THSD7B: variants seen among roughly 807,000 people sequenced by gnomAD.
The protein encoded by THSD7B is thrombospondin type-1 domain-containing protein 7B.
A neutral mutation model predicts 213.6 loss-of-function variants in THSD7B; 138 were observed. The observed-to-expected ratio is 0.65, with a 90% CI of 0.56 to 0.74. The LOEUF is 0.74. THSD7B is among the 30% of genes least tolerant of loss of function. The pLI is 0.00. For missense variants in THSD7B, 1,931 were observed against 1,991.5 expected, an observed-to-expected ratio of 0.97 and a Z score of 0.58; for synonymous variants, 742 against 687.0, an observed-to-expected ratio of 1.08 and a Z score of -1.25.
At chr2:136,938,581 C>A (rs1277845804) in intron 2 of THSD7B, among the ~76,000 whole-genome samples, 4 of 152,026 alleles carry the variant, frequency 2.6e-5, no homozygotes, top group South Asian at 4.2e-4. Context: ...CTGAAAAAAA[C>A]CAAAAACATT....
intron 21 of THSD7B, 132 bp from the exon 22 acceptor site, chr2:137,655,367 TGA>T: frequency 2.2e-6 from 2 of 927,272 alleles, no homozygotes; most frequent in African/African-American, 1.7e-5. Context: ...TGTCAACAAT[TGA>T]GAGATAGCTC....
At chr2:137,110,616 G>T (rs1688331271) in intron 4 of THSD7B, among the ~76,000 whole-genome samples, 1 of 152,134 alleles carries the variant, frequency 6.6e-6, no homozygotes. Context: ...AGCAATGTTG[G>T]GAATTTGATT....
intron 4 of THSD7B, among the ~76,000 whole-genome samples, chr2:137,101,322 G>A (rs1338076553): frequency 6.6e-6 from 1 of 152,124 alleles, no homozygotes; most frequent in African/African-American, 2.4e-5. Context: ...GATTACAGGC[G>A]TGAGCCACCA....
At chr2:137,007,393 C>A (rs542430991) in intron 2 of THSD7B, among the ~76,000 whole-genome samples, 1 of 152,238 alleles carries the variant, frequency 6.6e-6, no homozygotes, top group South Asian at 2.1e-4. Flanking sequence ...AAGTTTCCTG[C>A]AGATTTGAAT....
chr2:136,829,690 AT>A (rs1682717301), intron 1 of THSD7B, among the ~76,000 whole-genome samples: 1 of 152,196 alleles, frequency 6.6e-6, no homozygotes, highest in African/African-American at 2.4e-5. Context: ...GGGAATCAAA[AT>A]TAATAGGGAC....
intron 2 of THSD7B, among the ~76,000 whole-genome samples, chr2:137,043,921 C>G (rs1425486856): frequency 4.6e-5 from 7 of 152,164 alleles, no homozygotes; most frequent in Admixed American, 4.6e-4. Context: ...ATCCTTTAAC[C>G]CCCACACTGA....
chr2:136,794,087 A>G (rs866068877), intron 1 of THSD7B, among the ~76,000 whole-genome samples: 1 of 148,984 alleles, frequency 6.7e-6, no homozygotes, highest in East Asian at 2.0e-4. Flanking sequence ...TTAATTCCTG[A>G]TATGTGTGCT....
In THSD7B at chr2:137,572,425, G is replaced by A; in HGVS notation, c.3292G>A (p.Gly1098Ser). The change falls in exon 17 of 28, where the codon GGT (glycine) becomes AGT (serine). Residue 1098 changes from glycine to serine, a missense_variant. Physicochemically the swap from Gly to Ser is moderately conservative, Grantham distance 56. Transcript: ENST00000409968. ...RKIRCVNTAD[G>S]EGGAVDSNLC... ...TTACAGATGTGTGAATACTGCGGAT[G>A]GTGAAGGTGGAGCAGTGGATAGCAA... 1 of 1,613,890 alleles carries A rather than the reference G, an allele frequency of 6.2e-7. No individual in the cohort carries two copies. Among genetic ancestry groups the A allele is most frequent in the Non-Finnish European group, 8.5e-7 (1 of 1,179,816 alleles).
At chr2:137,221,564 T>C (rs902373776) in intron 7 of THSD7B, among the ~76,000 whole-genome samples, 78 of 152,272 alleles carry the variant, frequency 5.1e-4, no homozygotes, top group African/African-American at 1.8e-3. Context: ...CTTAATGAAG[T>C]TTATGTTTTT....
intron 2 of THSD7B, among the ~76,000 whole-genome samples, chr2:137,031,409 C>T (rs1686664441): frequency 6.6e-6 from 1 of 152,102 alleles, no homozygotes. Context: ...ATATCATTGT[C>T]TTCTGAGAGT....
chr2:136,810,003 T>C (rs1682349476), intron 1 of THSD7B, among the ~76,000 whole-genome samples: 1 of 152,198 alleles, frequency 6.6e-6, no homozygotes, highest in African/African-American at 2.4e-5. Flanking sequence ...TTGCAGTTCC[T>C]ACTCTCAAAA....
intron 15 of THSD7B, among the ~76,000 whole-genome samples, chr2:137,519,731 C>CA (rs111457927): frequency 2.0e-5 from 3 of 152,150 alleles, no homozygotes; most frequent in African/African-American, 7.2e-5. Flanking sequence ...TAAGAGGAAA[C>CA]AAAAACTAAA....
intron 12 of THSD7B, among the ~76,000 whole-genome samples, chr2:137,286,308 C>G (rs966526052): frequency 2.0e-5 from 3 of 152,006 alleles, no homozygotes; most frequent in Admixed American, 2.0e-4. Context: ...AGATATTACC[C>G]ATCAGCAGCT....
At chr2:137,658,715 G>T (rs1683285372) in intron 24 of THSD7B, among the ~76,000 whole-genome samples, 1 of 152,144 alleles carries the variant, frequency 6.6e-6, no homozygotes, top group Admixed American at 6.5e-5. Context: ...TTTCTGTGTG[G>T]ATTCTTTGTG....
At chr2:137,069,671 G>T (rs1687443660) in intron 3 of THSD7B, among the ~76,000 whole-genome samples, 2 of 151,926 alleles carry the variant, frequency 1.3e-5, no homozygotes, top group South Asian at 2.1e-4. Flanking sequence ...ACTCCTCATT[G>T]TTCCCTTGTT....
At chr2:137,118,898 G>A (rs1161710929) in intron 5 of THSD7B, among the ~76,000 whole-genome samples, 3 of 152,164 alleles carry the variant, frequency 2.0e-5, no homozygotes, top group African/African-American at 4.8e-5. Context: ...CGTGGCAGCA[G>A]ACAAGAAAGA....
At chr2:137,019,213 C>T (rs1686397317) in intron 2 of THSD7B, among the ~76,000 whole-genome samples, 1 of 152,198 alleles carries the variant, frequency 6.6e-6, no homozygotes, top group Admixed American at 6.5e-5. Flanking sequence ...CTTCATGCTT[C>T]TTAACACCCT....
intron 1 of THSD7B, among the ~76,000 whole-genome samples, chr2:136,786,657 C>T (rs918931327): frequency 3.3e-5 from 5 of 152,080 alleles, no homozygotes; most frequent in South Asian, 2.1e-4. Context: ...TGCACCATAT[C>T]GGAATGCGCA....
At chr2:136,889,978 G>A (rs1683786231) in intron 2 of THSD7B, among the ~76,000 whole-genome samples, 1 of 152,138 alleles carries the variant, frequency 6.6e-6, no homozygotes, top group African/African-American at 2.4e-5. Context: ...AAGGGTCTTT[G>A]TGCTTGTCAT....
Sources: gnomAD v4.1 joint callset for allele counts (sites outside exome capture counted in the v4.1 genomes callset) on GRCh38, gnomAD v4.1.1 for gene constraint, MANE v1.5 for transcripts, NCBI Gene and HGNC (gene_info 2026-07-23, HGNC 2026-07-21) for gene names.